The following DENND4B variants were observed in gnomAD, a reference collection of about 807,000 sequenced individuals.
The protein encoded by DENND4B is DENN domain containing 4B, also known as DENN domain-containing protein 4B.
A neutral mutation model predicts 161.0 loss-of-function variants in DENND4B; 67 were observed. The observed-to-expected ratio is 0.42, with a 90% CI of 0.34 to 0.51. The LOEUF is 0.51. Ranked by LOEUF, DENND4B falls within the 20% of genes least tolerant of loss-of-function variation. DENND4B has a pLI of 0.08. For synonymous variants in DENND4B, 753 were observed against 813.8 expected, an observed-to-expected ratio of 0.93 and a Z score of 1.27; for missense variants, 1,481 against 1,968.0, an observed-to-expected ratio of 0.75 and a Z score of 4.68.
At position 153,932,470 on chromosome 1, in the gene DENND4B, A is replaced by G; in HGVS notation, c.3760-30T>C. 1 of 1,581,194 alleles carries G rather than the reference A, an allele frequency of 6.3e-7. No individual in the cohort carries two copies. Among genetic ancestry groups the G allele is most frequent in the Non-Finnish European group, 8.6e-7 (1 of 1,162,950 alleles). On this transcript the variant is annotated intron_variant, in intron 23 of 27. Coordinates refer to ENST00000361217, the MANE Select transcript of DENND4B (RefSeq NM_014856.3). This position sits in a 1 kb window ranked among gnomAD's most constrained non-coding sequence, Gnocchi z 5.8. ...CAGGCACAAAGGGGGAGGGCAGTAG[A>G]GGGCATGTACATCCCCAGAGCCTTG...
chr1:153,934,000 G>A lies in DENND4B; in HGVS notation c.2942-129C>T. 6.7e-7 allele frequency: 1 copy of A among 1,485,262 alleles called. No homozygotes were observed. The highest frequency in any genetic ancestry group is 2.5e-5 in the East Asian group (1 of 40,670). The allele number at this position is 1,485,262 out of a possible 1,614,324, so 92.0% of individuals were successfully genotyped here. On this transcript the variant is annotated intron_variant, in intron 19 of 27. Transcript: ENST00000361217. The surrounding 1 kb of genome is among the most constrained non-coding windows in gnomAD (Gnocchi z 5.7). Reference sequence around the variant, plus strand: ...CACCCCCACCATGATGATATTCTGGGCGAGATTCCCTCAGAATCTACAGCA... The same window carrying A: ...CACCCCCACCATGATGATATTCTGGACGAGATTCCCTCAGAATCTACAGCA...
At position 153,941,949 on chromosome 1, in the gene DENND4B, A is replaced by G; in HGVS notation, c.975T>C (p.Pro325=). The change falls in exon 6 of 28, where the codon CCT becomes CCC. Residue 325 remains proline, a synonymous_variant. Transcript: ENST00000361217. ...GGAAGGCGCGGAAGGCAGGGAAGGCAGGCCAGCGGGACAGCACAGCGATGG... is the reference window on the plus strand; with the variant it reads ...GGAAGGCGCGGAAGGCAGGGAAGGCGGGCCAGCGGGACAGCACAGCGATGG... ...RRAIAVLSRW[P]AFPAFRAFLT... is the part of the protein sequence containing the mutation. The G allele has an allele frequency of 4.3e-6, 7 of 1,612,540 alleles. No homozygotes were observed. The highest frequency in any genetic ancestry group is 5.9e-6 in the Non-Finnish European group (7 of 1,179,864).
Position 153,942,374 on chromosome 1 carries a change from T to C in DENND4B, c.641-18A>G. 3 of 1,606,580 alleles carry C rather than the reference T, an allele frequency of 1.9e-6. No homozygotes were observed. Among genetic ancestry groups the C allele is most frequent in the Non-Finnish European group, 2.6e-6 (3 of 1,176,038 alleles). On this transcript the variant is annotated intron_variant, in intron 4 of 27. Coordinates refer to ENST00000361217, the MANE Select transcript of DENND4B (RefSeq NM_014856.3). The surrounding 1 kb of genome is among the most constrained non-coding windows in gnomAD (Gnocchi z 6.9). The stretch of plus-strand genomic sequence containing the variant: ...CAGCAGCTCTGCACCCCCAGCATAG[T>C]TGGGGGTACCCAAAAGGAGCAGGGT...
chr1:153,931,128 G>A (rs996433439), intron 24 of DENND4B, 64 bp from the exon 25 acceptor site: 10 of 1,334,726 alleles, frequency 7.5e-6, no homozygotes, highest in Middle Eastern at 2.0e-4. Flanking sequence ...GACAAGAAAC[G>A]GACAGGTGAT....
intron 6 of DENND4B, 95 bp downstream of exon 6, chr1:153,941,774 A>AGGGCG: frequency 8.1e-6 from 5 of 618,126 alleles, no homozygotes; most frequent in East Asian, 4.9e-5. Flanking sequence ...CCCTGTGCCC[A>AGGGCG]GCCCTCCCCC....
In DENND4B at chr1:153,946,056, G is replaced by A. The variant is rs889224651; in HGVS notation, c.-24+245C>T. On this transcript the variant is annotated intron_variant, in intron 1 of 27. Transcript: ENST00000361217. The surrounding 1 kb of genome is among the most constrained non-coding windows in gnomAD (Gnocchi z 6.3). ...CAGCGCCGGCCGCCGCGTGACCCAA[G>A]CGGGAGGGAGGGCGGCTCCGACTCC... Among the ~76,000 whole-genome samples the A allele has an allele frequency of 6.6e-6, 1 of 152,146 alleles. No individual in the cohort carries two copies. Among genetic ancestry groups the A allele is most frequent in the Non-Finnish European group, 1.5e-5 (1 of 68,016 alleles).
rs768986209 is a variant in DENND4B at position 153,933,185 on chromosome 1, G to A, written c.3453+12C>T. 1.1e-5 allele frequency: 18 copies of A among 1,612,708 alleles called. No individual in the cohort carries two copies. The East Asian group carries it at 3.3e-4, about 30-fold the overall frequency. Reference sequence around the variant, plus strand: ...TGTTCAAGCACATCTGTGTGGGAGGGGTTATCCTCACTTCCAGGGAAGGTG... The same window carrying A: ...TGTTCAAGCACATCTGTGTGGGAGGAGTTATCCTCACTTCCAGGGAAGGTG... On this transcript the variant is annotated intron_variant, in intron 21 of 27. Transcript: ENST00000361217. The surrounding 1 kb of genome is among the most constrained non-coding windows in gnomAD (Gnocchi z 5.7).
In DENND4B at chr1:153,933,342, G is replaced by C. The variant is rs1679085662; in HGVS notation, c.3331-23C>G. The C allele has an allele frequency of 6.2e-7, 1 of 1,613,202 alleles. No homozygotes were observed. The highest frequency in any genetic ancestry group is 2.2e-5 in the East Asian group (1 of 44,860). On this transcript the variant is annotated intron_variant, in intron 20 of 27. Coordinates refer to ENST00000361217, the MANE Select transcript of DENND4B (RefSeq NM_014856.3). This position sits in a 1 kb window ranked among gnomAD's most constrained non-coding sequence, Gnocchi z 5.7. ...GCTCTACCATGACATGAGAAACCAT[G>C]GTCAGCCAACCCCATGCTCTTCCAC...
chr1:153,934,031 C>A lies in DENND4B; in HGVS notation c.2941+104G>T, dbSNP rs1679153315. ...TTCCCTCAGAATCTACAGCACCCACCACAGAGGGCCGCCCTCCACTCTGTT... is the reference window on the plus strand; with the variant it reads ...TTCCCTCAGAATCTACAGCACCCACAACAGAGGGCCGCCCTCCACTCTGTT... On this transcript the variant is annotated intron_variant, in intron 19 of 27. Transcript: ENST00000361217. The surrounding 1 kb of genome is among the most constrained non-coding windows in gnomAD (Gnocchi z 5.3). The A allele has an allele frequency of 1.4e-6, 2 of 1,463,412 alleles. No homozygotes were observed. The highest frequency in any genetic ancestry group is 1.8e-6 in the Non-Finnish European group (2 of 1,104,426). The allele number at this position is 1,463,412 out of a possible 1,614,324, so 90.7% of individuals were successfully genotyped here.
chr1:153,943,391 G>A (rs991515298), intron 2 of DENND4B, among the ~76,000 whole-genome samples: 6 of 152,258 alleles, frequency 3.9e-5, no homozygotes, highest in African/African-American at 1.4e-4. Flanking sequence ...TAAACACTAA[G>A]GGTCAGCTGG....
rs747877532 is a variant in DENND4B at position 153,933,608 on chromosome 1, G to C, written c.3205C>G (p.Arg1069Gly). ...ARLQQLLTPSRHSPASRIPPP... is the reference protein window; with the variant it reads ...ARLQQLLTPSGHSPASRIPPP... ...GGAATGCGGGAGGCAGGGGAGTGGC[G>C]GGAAGGAGTGAGCAGCTGTTGGAGG... The change falls in exon 20 of 28, where the codon CGC becomes GGC. Residue 1069 changes from arginine (R) to glycine (G), a missense_variant. Coordinates refer to ENST00000361217, the MANE Select transcript of DENND4B (RefSeq NM_014856.3). This position sits in a 1 kb window ranked among gnomAD's most constrained non-coding sequence, Gnocchi z 5.7. 6.4e-7 allele frequency: 1 copy of C among 1,554,320 alleles called. No individual in the cohort carries two copies. Among genetic ancestry groups the C allele is most frequent in the South Asian group, 1.2e-5 (1 of 81,104 alleles).
intron 17 of DENND4B, 163 bp downstream of exon 17, chr1:153,935,895 CTG>C (rs761282087): frequency 6.6e-4 from 531 of 810,528 alleles, no homozygotes; most frequent in Non-Finnish European, 9.2e-4. Context: ...GTCTGAGAAA[CTG>C]TAGGTGCTAA....
Position 153,932,573 on chromosome 1 carries a change from C to T in DENND4B, c.3759+69G>A, listed in dbSNP as rs1436297017. On this transcript the variant is annotated intron_variant, in intron 23 of 27. Transcript: ENST00000361217. This position sits in a 1 kb window ranked among gnomAD's most constrained non-coding sequence, Gnocchi z 5.8. ...AGGGCAAGAGATGTGCCCATCTCTC[C>T]CTGGCACCCCACAGGCCCCACACAG... The T allele has an allele frequency of 5.7e-5, 89 of 1,573,860 alleles. No homozygotes were observed. The highest frequency in any genetic ancestry group is 7.1e-5 in the Non-Finnish European group (82 of 1,158,010).
In DENND4B at chr1:153,933,190, T is replaced by C; in HGVS notation, c.3453+7A>G. Reference sequence around the variant, plus strand: ...AAGCACATCTGTGTGGGAGGGGTTATCCTCACTTCCAGGGAAGGTGACTGG... The same window carrying C: ...AAGCACATCTGTGTGGGAGGGGTTACCCTCACTTCCAGGGAAGGTGACTGG... On this transcript the variant is annotated splice_region_variant and intron_variant, in intron 21 of 27. Coordinates refer to ENST00000361217, the MANE Select transcript of DENND4B (RefSeq NM_014856.3). The surrounding 1 kb of genome is among the most constrained non-coding windows in gnomAD (Gnocchi z 5.7). The C allele has an allele frequency of 6.2e-7, 1 of 1,612,922 alleles. No homozygotes were observed. Among genetic ancestry groups the C allele is most frequent in the Non-Finnish European group, 8.5e-7 (1 of 1,179,464 alleles).
At chr1:153,941,167 C>T (rs1287603178) in intron 8 of DENND4B, 64 bp downstream of exon 8, 14 of 1,598,870 alleles carry the variant, frequency 8.8e-6, no homozygotes, top group African/African-American at 1.3e-5. Context: ...GCTGCACCCA[C>T]CTGCCCAGCA....
intron 6 of DENND4B, 148 bp from the exon 7 acceptor site, chr1:153,941,588 A>G (rs988365746): frequency 1.8e-6 from 2 of 1,126,726 alleles, no homozygotes; most frequent in Non-Finnish European, 1.2e-6. Context: ...CAGAACCTCC[A>G]TTATGCATAT....
Position 153,930,625 on chromosome 1 carries a change from ATGAG to A in DENND4B, c.4281-26_4281-23del, listed in dbSNP as rs747128049. ...TCCCCTTTAGTGGAGGCAGAAGTGT[ATGAG>A]TGAGAGAAAAGGGGTGTGGAGCCCC... On this transcript the variant is annotated intron_variant, in intron 26 of 27. Transcript: ENST00000361217. The surrounding 1 kb of genome is among the most constrained non-coding windows in gnomAD (Gnocchi z 4.7). 32 of 1,613,832 alleles carry A rather than the reference ATGAG, an allele frequency of 2.0e-5. No individual in the cohort carries two copies. In the African/African-American group the frequency reaches 3.5e-4, roughly 17 times the overall value.
Position 153,941,923 on chromosome 1 carries a change from A to T in DENND4B, c.1001T>A (p.Leu334His). ...WPAFPAFRAFLTFLYRYSVSG... is the reference protein window; with the variant it reads ...WPAFPAFRAFHTFLYRYSVSG... Reference sequence around the variant, plus strand: ...GACGGAGTAGCGGTAAAGGAAGGTGAGGAAGGCGCGGAAGGCAGGGAAGGC... The same window carrying T: ...GACGGAGTAGCGGTAAAGGAAGGTGTGGAAGGCGCGGAAGGCAGGGAAGGC... Residue 334 changes from leucine (L) to histidine (H), a missense_variant, in exon 6 of 28, where the codon CTC becomes CAC. Around this residue, in one of 3 missense-constraint regions of DENND4B, gnomAD observed 806 missense variants for 1,134.4 expected, o/e 0.71. Transcript: ENST00000361217. 6.2e-7 allele frequency: 1 copy of T among 1,612,410 alleles called. No homozygotes were observed.
intron 6 of DENND4B, 89 bp downstream of exon 6, chr1:153,941,780 C>CGGGG: frequency 1.1e-5 from 6 of 558,832 alleles, no homozygotes; most frequent in Non-Finnish European, 1.9e-5. Flanking sequence ...GCCCAGCCCT[C>CGGGG]CCCCCACCCA....
Sources: gnomAD v4.1 joint callset for allele counts (sites outside exome capture counted in the v4.1 genomes callset) on GRCh38, gnomAD v4.1.1 for gene constraint, gnomAD v4.1.1 regional missense constraint, Gnocchi (gnomAD v3.1) non-coding constraint, MANE v1.5 for transcripts, NCBI Gene and HGNC (gene_info 2026-07-23, HGNC 2026-07-21) for gene names.